Variants in HTR2B observed in about 807,000 individuals in gnomAD.
HTR2B encodes 5-HT 2B receptor.
HTR2B carries 31 observed loss-of-function variants against 39.8 expected under a neutral mutation model. That is an observed-to-expected ratio of 0.78 (90% CI 0.58 to 1.05). The LOEUF (loss-of-function observed/expected upper bound fraction) is 1.05. HTR2B is among the 50% of genes least tolerant of loss of function. The probability of loss-of-function intolerance (pLI) is 0.00; values close to 1 mark genes in which losing one functional copy is unlikely to be tolerated. For missense variants in HTR2B, 562 were observed against 578.0 expected (o/e 0.97, Z 0.28); for synonymous variants, 210 against 207.1 (o/e 1.01, Z -0.12).
At chr2:231,116,262 G>A (rs1230303623) in intron 2 of HTR2B, among the ~76,000 whole-genome samples, 1 of 152,048 alleles carries the variant, frequency 6.6e-6, no homozygotes, top group Non-Finnish European at 1.5e-5. Flanking sequence ...CTAAAAATGA[G>A]GGTACATCTT....
At chr2:231,113,025 C>T (rs1313146000) in intron 3 of HTR2B, among the ~76,000 whole-genome samples, 1 of 151,894 alleles carries the variant, frequency 6.6e-6, no homozygotes, top group Non-Finnish European at 1.5e-5. Context: ...ATTAGCCAGG[C>T]ATGGGGGGTG....
In HTR2B at chr2:231,123,499, G is replaced by A; in HGVS notation, c.266C>T (p.Thr89Ile). 1 of 1,614,038 alleles carries A rather than the reference G, an allele frequency of 6.2e-7. No individual in the cohort carries two copies. The highest frequency in any genetic ancestry group is 8.5e-7 in the Non-Finnish European group (1 of 1,179,924). Reference sequence around the variant, plus strand: ...CGCCAAGGACATTAGAAAGTAATTAGTAGCATACTGCAGCTTCTTCTCCAG... The same window carrying A: ...CGCCAAGGACATTAGAAAGTAATTAATAGCATACTGCAGCTTCTTCTCCAG... ...VSLEKKLQYA[T>I]NYFLMSLAVA... is the part of the protein sequence containing the mutation. Residue 89 changes from threonine (T) to isoleucine (I), a missense_variant, in exon 2 of 4, where the codon ACT (threonine) becomes ATT (isoleucine). Coordinates refer to ENST00000258400, the MANE Select transcript of HTR2B (RefSeq NM_000867.5).
At position 231,108,987 on chromosome 2, in the gene HTR2B, G is replaced by A; in HGVS notation, c.976C>T (p.Leu326=). 1 of 1,614,124 alleles carries A rather than the reference G, an allele frequency of 6.2e-7. No homozygotes were observed. Reference sequence around the variant, plus strand: ...AAAAAGAGGAAAAACACAATCCCTAGGACCTTTGAGGCTCTCTGTTCGTTG... The same window carrying A: ...AAAAAGAGGAAAAACACAATCCCTAAGACCTTTGAGGCTCTCTGTTCGTTG... ...ISNEQRASKV[L]GIVFFLFLLM... The change falls in exon 4 of 4, where the codon CTA becomes TTA. Residue 326 remains leucine (L), a synonymous_variant. Transcript: ENST00000258400.
At chr2:231,120,271 T>C (rs1439721343) in intron 2 of HTR2B, among the ~76,000 whole-genome samples, 1 of 152,194 alleles carries the variant, frequency 6.6e-6, no homozygotes, top group Non-Finnish European at 1.5e-5. Flanking sequence ...ACTTTTTAAA[T>C]CACTTATAAA....
Position 231,122,300 on chromosome 2 carries a change from A to G in HTR2B, c.352+1113T>C, listed in dbSNP as rs1252380391. Among the ~76,000 whole-genome samples the G allele has an allele frequency of 3.9e-5, 6 of 152,252 alleles. No individual in the cohort carries two copies. In the East Asian group the frequency reaches 9.6e-4, roughly 24 times the overall value. ...TTACTATCTGATAATAGTTTTAGAT[A>G]TCTTTCTGTTATTACTTATAAAATT... is the stretch of plus-strand genomic sequence containing the variant. On this transcript the variant is annotated intron_variant, in intron 2 of 3. Coordinates refer to ENST00000258400, the MANE Select transcript of HTR2B (RefSeq NM_000867.5).
At chr2:231,120,435 A>G (rs1695498632) in intron 2 of HTR2B, among the ~76,000 whole-genome samples, 1 of 152,198 alleles carries the variant, frequency 6.6e-6, no homozygotes, top group South Asian at 2.1e-4. Context: ...GATTTTAGGA[A>G]TTATGGACAA....
At chr2:231,119,116 T>C (rs896817602) in intron 2 of HTR2B, among the ~76,000 whole-genome samples, 4 of 152,234 alleles carry the variant, frequency 2.6e-5, no homozygotes, top group Admixed American at 2.6e-4. Context: ...TTTTAAGCAT[T>C]TTAATGCTTA....
At position 231,123,836 on chromosome 2, in the gene HTR2B, G is replaced by GT. The variant is rs1695643726; in HGVS notation, c.-73dup. The GT allele has an allele frequency of 2.6e-6, 3 of 1,172,542 alleles. No homozygotes were observed. Among genetic ancestry groups the GT allele is most frequent in the South Asian group, 1.2e-5 (1 of 81,316 alleles). The allele number at this position is 1,172,542 out of a possible 1,614,324, so 72.6% of individuals were successfully genotyped here. ...TGGTTAGTAGCTAAGCTGCTCATCT[G>GT]TTTTTTTAAGGCATTGTAACCATGC... On this transcript the variant is annotated 5_prime_UTR_variant, in exon 2 of 4. Coordinates refer to ENST00000258400, the MANE Select transcript of HTR2B (RefSeq NM_000867.5).
At chr2:231,122,009 A>G (rs1169086921) in intron 2 of HTR2B, among the ~76,000 whole-genome samples, 2 of 152,126 alleles carry the variant, frequency 1.3e-5, no homozygotes, top group East Asian at 1.9e-4. Context: ...TCTACATAAT[A>G]CTTTCTTTTA....
chr2:231,118,042 T>C (rs1006931367), intron 2 of HTR2B, among the ~76,000 whole-genome samples: 4 of 152,136 alleles, frequency 2.6e-5, no homozygotes, highest in Non-Finnish European at 4.4e-5. Flanking sequence ...CTCCTGGGTT[T>C]AAATCATGTC....
intron 3 of HTR2B, among the ~76,000 whole-genome samples, chr2:231,113,019 G>A (rs1195654121): frequency 4.6e-5 from 7 of 151,940 alleles, no homozygotes; most frequent in Non-Finnish European, 8.8e-5. Flanking sequence ...ACAAAAATTA[G>A]CCAGGCATGG....
intron 2 of HTR2B, among the ~76,000 whole-genome samples, chr2:231,122,754 T>G (rs1695588125): frequency 6.6e-6 from 1 of 152,108 alleles, no homozygotes; most frequent in Non-Finnish European, 1.5e-5. Flanking sequence ...CTTACCAACT[T>G]AGAGGCCTAT....
In HTR2B at chr2:231,108,623, C is replaced by T; in HGVS notation, c.1340G>A (p.Arg447Lys). ...AGACTGAATGGTTGAACTTCGGAGC[C>T]TCATTGGACTCTGGTACATGGCAGG... ...INPAMYQSPM[R>K]LRSSTIQSSS... Residue 447 changes from arginine to lysine, a missense_variant, in exon 4 of 4, where the codon AGG becomes AAG. By Grantham distance (26) the Arg-to-Lys change is conservative. Transcript: ENST00000258400. 1 of 1,613,986 alleles carries T rather than the reference C, an allele frequency of 6.2e-7. No homozygotes were observed. The highest frequency in any genetic ancestry group is 8.5e-7 in the Non-Finnish European group (1 of 1,179,970).
intron 2 of HTR2B, among the ~76,000 whole-genome samples, chr2:231,118,297 T>C (rs1258754895): frequency 6.6e-6 from 1 of 152,174 alleles, no homozygotes; most frequent in Non-Finnish European, 1.5e-5. Flanking sequence ...AAAACACTCC[T>C]ACATAGAAAC....
Position 231,124,102 on chromosome 2 carries a change from G to C in HTR2B, c.-338C>G. 1 of 265,726 alleles carries C rather than the reference G, an allele frequency of 3.8e-6. No individual in the cohort carries two copies. The highest frequency in any genetic ancestry group is 7.4e-6 in the Non-Finnish European group (1 of 135,522). 16.5% of individuals were successfully genotyped at this position (265,726 alleles called of 1,614,324 possible). On this transcript the variant is annotated 5_prime_UTR_variant, in exon 2 of 4. Coordinates refer to ENST00000258400, the MANE Select transcript of HTR2B (RefSeq NM_000867.5). ...TTTTCTGCCGTAGTTGTAGAGTCGT[G>C]TTTGAACTTGCATGCCAGAGAGTTC... is the stretch of plus-strand genomic sequence containing the variant.
Position 231,113,862 on chromosome 2 carries a change from G to T in HTR2B, c.420C>A (p.Thr140=). Residue 140 remains threonine (T), a synonymous_variant, in exon 3 of 4, where the codon ACC becomes ACA. Transcript: ENST00000258400. The part of the protein sequence containing the change: ...AWLFLDVLFS[T]ASIMHLCAIS... ...TGGCACAGAGATGCATGATGGATGC[G>T]GTTGAAAAGAGAACGTCAAGAAATA... is the stretch of plus-strand genomic sequence containing the variant. 7.4e-6 allele frequency: 12 copies of T among 1,614,058 alleles called. No homozygotes were observed. Among genetic ancestry groups the T allele is most frequent in the Non-Finnish European group, 6.8e-6 (8 of 1,179,966 alleles).
intron 3 of HTR2B, among the ~76,000 whole-genome samples, chr2:231,112,864 A>C (rs1695201386): frequency 6.6e-6 from 1 of 152,120 alleles, no homozygotes; most frequent in African/African-American, 2.4e-5. Context: ...TAAAACTTTG[A>C]ATTAAACATA....
intron 2 of HTR2B, among the ~76,000 whole-genome samples, chr2:231,115,870 G>A (rs562905322): frequency 2.8e-4 from 43 of 152,228 alleles, no homozygotes; most frequent in African/African-American, 1.0e-3. Flanking sequence ...CAGACCTACT[G>A]TATCAGACTC....
chr2:231,124,063 TTCTC>T lies in HTR2B; in HGVS notation c.-303_-300del, dbSNP rs539375848. The T allele has an allele frequency of 4.5e-5, 14 of 312,856 alleles. No individual in the cohort carries two copies. Among genetic ancestry groups the T allele is most frequent in the Middle Eastern group, 2.2e-3 (2 of 922 alleles). The allele number at this position is 312,856 out of a possible 1,614,324, so 19.4% of individuals were successfully genotyped here. On this transcript the variant is annotated 5_prime_UTR_variant, in exon 2 of 4. It introduces an in-frame stop codon into an upstream open reading frame of the 5' UTR. Transcript: ENST00000258400. ...AATAGGATATATATATATTTTTAGT[TTCTC>T]TCTCTCTCTTTTTCTGCCGTAGTTG...
Sources: gnomAD v4.1 joint callset for allele counts (sites outside exome capture counted in the v4.1 genomes callset) on GRCh38, gnomAD v4.1.1 for gene constraint, MANE v1.5 for transcripts, NCBI Gene and HGNC (gene_info 2026-07-23, HGNC 2026-07-21) for gene names.